The following CDH23 variants were observed in gnomAD, a reference collection of about 807,000 sequenced individuals.
CDH23 encodes the protein cadherin-23.
Under a neutral mutation model 317.1 loss-of-function variants are expected in CDH23, and 189 were observed. That is an observed-to-expected ratio of 0.60 (90% CI 0.53 to 0.67). The LOEUF (loss-of-function observed/expected upper bound fraction) is 0.67, where lower values mean the gene tolerates loss of function less well. CDH23 is among the 30% of genes least tolerant of loss of function. The probability of loss-of-function intolerance (pLI) is 0.00; values close to 1 mark genes in which losing one functional copy is unlikely to be tolerated. For missense variants in CDH23, 4,401 were observed against 4,592.4 expected (o/e 0.96, Z 1.20); for synonymous variants, 1,839 against 1,876.8 (o/e 0.98, Z 0.52).
At chr10:71,755,370 G>T in intron 38 of CDH23, 1 of 1,609,966 alleles carries the variant, frequency 6.2e-7, no homozygotes, top group Non-Finnish European at 8.5e-7. Context: ...GCGGTTGGAG[G>T]CTGCCTGCCT....
chr10:71,724,162 C>G, intron 29 of CDH23, 57 bp downstream of exon 29: 1 of 1,527,226 alleles, frequency 6.5e-7, no homozygotes, highest in East Asian at 2.5e-5. Flanking sequence ...GAGGGCAGAG[C>G]TTCTCTAGGC....
At chr10:71,491,135 G>T (rs1852634503) in intron 3 of CDH23, among the ~76,000 whole-genome samples, 1 of 152,250 alleles carries the variant, frequency 6.6e-6, no homozygotes, top group Admixed American at 6.5e-5. Context: ...CAGGCTGGGA[G>T]CTCCTCGCGT....
At chr10:71,787,195 G>T (rs770108152) in intron 44 of CDH23, among the ~76,000 whole-genome samples, 2 of 152,092 alleles carry the variant, frequency 1.3e-5, no homozygotes, top group Non-Finnish European at 2.9e-5. Context: ...CTCCGTGAAG[G>T]AGTTAAATCC....
intron 28 of CDH23, among the ~76,000 whole-genome samples, chr10:71,718,618 G>T (rs1283417647): frequency 2.0e-5 from 3 of 152,250 alleles, no homozygotes; most frequent in Admixed American, 6.5e-5. Flanking sequence ...CCTGGACAAT[G>T]CTTGGCCAGG....
At chr10:71,719,098 A>T (rs990629281) in intron 28 of CDH23, among the ~76,000 whole-genome samples, 1 of 152,092 alleles carries the variant, frequency 6.6e-6, no homozygotes, top group African/African-American at 2.4e-5. Flanking sequence ...AAAATAAAAA[A>T]AAAATAAGTG....
In CDH23 at chr10:71,706,433, C is replaced by T. The variant is rs534859231; in HGVS notation, c.2954-464C>T. Among the ~76,000 whole-genome samples the T allele has an allele frequency of 7.2e-5, 11 of 152,262 alleles. No homozygotes were observed. In the South Asian group the frequency reaches 2.3e-3, roughly 32 times the overall value. ...CTCTGAGCTCCCGCTTCCTCAGCTC[C>T]ACAGTGTGTCTAATAATGCCCACCT... On this transcript the variant is annotated intron_variant, in intron 25 of 69. Transcript: ENST00000224721.
chr10:71,402,782 T>G lies in CDH23; in HGVS notation c.-6+5464T>G, dbSNP rs957246313. 2.0e-5 allele frequency among the ~76,000 whole-genome samples: 3 copies of G among 151,736 alleles called. No individual in the cohort carries two copies. In the South Asian group the frequency reaches 6.2e-4, roughly 32 times the overall value. Reference sequence around the variant, plus strand: ...GCGCACATGCGCGTTGGATGGGGGTTGTTGTGGTTTTTCTTTTGTAATTAC... The same window carrying G: ...GCGCACATGCGCGTTGGATGGGGGTGGTTGTGGTTTTTCTTTTGTAATTAC... On this transcript the variant is annotated intron_variant, in intron 1 of 69. Transcript: ENST00000224721.
In CDH23 at chr10:71,646,537, C is replaced by T. The variant is rs727504455; in HGVS notation, c.1369C>T (p.Arg457Trp). 10 of 1,613,854 alleles carry T rather than the reference C, an allele frequency of 6.2e-6. No individual in the cohort carries two copies. Among genetic ancestry groups the T allele is most frequent in the South Asian group, 1.1e-5 (1 of 91,080 alleles). ...CACTCTCATCAATGAAAATGACAAC[C>T]GGCCCATCTTCAGCCAGCCACTGTA... is the stretch of plus-strand genomic sequence containing the variant. The part of the protein sequence containing the change: ...KITLINENDN[R>W]PIFSQPLYNI... The change falls in exon 14 of 70, where the codon CGG becomes TGG. Residue 457 changes from arginine (R) to tryptophan (W), a missense_variant. By Grantham distance (101) the Arg-to-Trp change is moderately radical. Transcript: ENST00000224721.
chr10:71,460,489 G>C (rs970454625), intron 3 of CDH23, among the ~76,000 whole-genome samples: 2 of 152,270 alleles, frequency 1.3e-5, no homozygotes, highest in Middle Eastern at 3.2e-3. Flanking sequence ...GAATATGCTG[G>C]CGTCCGACTG....
At position 71,809,974 on chromosome 10, in the gene CDH23, C is replaced by G. The variant is rs373709237; in HGVS notation, c.8877C>G (p.Ile2959Met). ...TGAGGGACGACCAGCGCGTCAAGAT[C>G]GTCATTAACGAGATCCCCGACCGTG... ...YILRDDQRVK[I>M]VINEIPDRVR... is the part of the protein sequence containing the mutation. Residue 2959 changes from isoleucine to methionine, a missense_variant, in exon 61 of 70, where the codon ATC becomes ATG. Coordinates refer to ENST00000224721, the MANE Select transcript of CDH23 (RefSeq NM_022124.6). 64 of 1,612,216 alleles carry G rather than the reference C, an allele frequency of 4.0e-5. No homozygotes were observed. Among genetic ancestry groups the G allele is most frequent in the Middle Eastern group, 1.6e-4 (1 of 6,062 alleles).
chr10:71,567,481 G>C (rs940718291), intron 7 of CDH23, among the ~76,000 whole-genome samples: 3 of 152,226 alleles, frequency 2.0e-5, no homozygotes, highest in African/African-American at 7.2e-5. Flanking sequence ...GGGAATTCCA[G>C]GATGAGTGAG....
chr10:71,572,032 C>T (rs983093948), intron 8 of CDH23, among the ~76,000 whole-genome samples: 2 of 152,236 alleles, frequency 1.3e-5, no homozygotes, highest in Admixed American at 6.5e-5. Context: ...GTGTATGGGG[C>T]TGGCATTTGG....
chr10:71,706,807 T>C, intron 25 of CDH23, 90 bp from the exon 26 acceptor site: 5 of 1,500,548 alleles, frequency 3.3e-6, no homozygotes, highest in Non-Finnish European at 3.6e-6. Context: ...ATTCATTCCC[T>C]ACTTGGTCTG....
intron 9 of CDH23, among the ~76,000 whole-genome samples, chr10:71,602,584 A>G (rs1256366050): frequency 6.6e-6 from 1 of 152,062 alleles, no homozygotes; most frequent in East Asian, 1.9e-4. Context: ...TTTGGAGGGA[A>G]GTTTCAGGGG....
rs572912234 is a variant in CDH23 at position 71,802,474 on chromosome 10, G to A, written c.7483-424G>A. 5.3e-5 allele frequency among the ~76,000 whole-genome samples: 8 copies of A among 152,296 alleles called. 1 individual carries two copies. Among genetic ancestry groups the A allele is most frequent in the African/African-American group, 1.9e-4 (8 of 41,552 alleles). On this transcript the variant is annotated intron_variant, in intron 53 of 69. Transcript: ENST00000224721. ...CCAAGTCTCCGGCCAGACACAAATCGCAGTCAAGAGAACCTTGGGGAATGG... is the reference window on the plus strand; with the variant it reads ...CCAAGTCTCCGGCCAGACACAAATCACAGTCAAGAGAACCTTGGGGAATGG...
chr10:71,778,975 G>A (rs910828440), intron 40 of CDH23, among the ~76,000 whole-genome samples: 1 of 152,114 alleles, frequency 6.6e-6, no homozygotes, highest in Non-Finnish European at 1.5e-5. Context: ...ATATTGCCCA[G>A]GCTGGCTCTG....
Position 71,777,730 on chromosome 10 carries a change from C to A in CDH23, c.4896C>A (p.Pro1632=). ...VTIVDENDNA[P]MFQQPHYEVL... ...TTGTGGATGAGAATGATAACGCGCC[C>A]ATGTTCCAGCAGCCCCACTATGAGG... Residue 1632 remains proline, a synonymous_variant, in exon 39 of 70, where the codon CCC becomes CCA. Transcript: ENST00000224721. The A allele has an allele frequency of 6.2e-7, 1 of 1,613,646 alleles. No homozygotes were observed. Among genetic ancestry groups the A allele is most frequent in the South Asian group, 1.1e-5 (1 of 91,028 alleles).
At chr10:71,791,917 A>C (rs1036969575) in intron 47 of CDH23, among the ~76,000 whole-genome samples, 3 of 152,132 alleles carry the variant, frequency 2.0e-5, no homozygotes, top group East Asian at 3.9e-4. Flanking sequence ...TCCCAGATGG[A>C]AAGACTGACT....
intron 3 of CDH23, among the ~76,000 whole-genome samples, chr10:71,446,657 C>T (rs1208684874): frequency 6.6e-6 from 1 of 152,210 alleles, no homozygotes; most frequent in Non-Finnish European, 1.5e-5. Flanking sequence ...ATTCCTCTTG[C>T]ACTTGAAGGC....
Sources: gnomAD v4.1 joint callset for allele counts (sites outside exome capture counted in the v4.1 genomes callset) on GRCh38, gnomAD v4.1.1 for gene constraint, MANE v1.5 for transcripts, NCBI Gene and HGNC (gene_info 2026-07-23, HGNC 2026-07-21) for gene names.